The following DSCAM variants were observed in gnomAD, a reference collection of about 807,000 sequenced individuals.
DSCAM encodes the protein cell adhesion molecule DSCAM.
Under a neutral mutation model 217.7 loss-of-function variants are expected in DSCAM, and 47 were observed. The ratio of observed to expected loss-of-function variants is 0.22; its 90% CI spans 0.17 to 0.28. The LOEUF (loss-of-function observed/expected upper bound fraction) is 0.28, where lower values mean the gene tolerates loss of function less well. Among genes scored for constraint, DSCAM ranks in the 10% least tolerant of loss-of-function variants. The probability of loss-of-function intolerance (pLI) is 1.00; values close to 1 mark genes in which losing one functional copy is unlikely to be tolerated. For missense variants in DSCAM, 2,080 were observed against 2,618.3 expected (o/e 0.79, Z 4.49); for synonymous variants, 1,056 against 1,015.3 (o/e 1.04, Z -0.76).
chr21:40,112,571 C>A (rs2089912975), intron 20 of DSCAM, among the ~76,000 whole-genome samples: 1 of 151,946 alleles, frequency 6.6e-6, no homozygotes, highest in Admixed American at 6.6e-5. Context: ...AAGATCAGAG[C>A]AGAACTGAAT....
At chr21:40,246,087 T>C (rs1281069788) in intron 11 of DSCAM, among the ~76,000 whole-genome samples, 1 of 151,934 alleles carries the variant, frequency 6.6e-6, no homozygotes, top group African/African-American at 2.4e-5. Flanking sequence ...TGGCATCAAA[T>C]GAGGTGTTGC....
chr21:40,673,994 A>G (rs2090307945), intron 3 of DSCAM, among the ~76,000 whole-genome samples: 1 of 152,238 alleles, frequency 6.6e-6, no homozygotes, highest in Non-Finnish European at 1.5e-5. Flanking sequence ...AAATAAAAAT[A>G]AACTAATTTA....
chr21:40,251,785 A>C (rs1394707820), intron 11 of DSCAM, among the ~76,000 whole-genome samples: 1 of 152,190 alleles, frequency 6.6e-6, no homozygotes, highest in South Asian at 2.1e-4. Flanking sequence ...ATAAGCTCAC[A>C]TGATATTATA....
At chr21:40,037,231 T>C (rs2088642551) in intron 32 of DSCAM, among the ~76,000 whole-genome samples, 1 of 149,070 alleles carries the variant, frequency 6.7e-6, no homozygotes, top group African/African-American at 2.6e-5. Context: ...AAATTGTCCC[T>C]GTTTGCAGAT....
Position 40,659,560 on chromosome 21 carries a change from CTATT to C in DSCAM, c.508+33246_508+33249del, listed in dbSNP as rs201554853. Among the ~76,000 whole-genome samples the C allele has an allele frequency of 3.0e-3, 444 of 146,796 alleles. 5 individuals carry two copies. The highest frequency in any genetic ancestry group is 7.7e-3 in the African/African-American group (284 of 36,996). Reference sequence around the variant, plus strand: ...TCTGTCCATCTATGTATATGCCTATCTATTTATCTATGTATCTATCTTTCATCTA... The same window carrying C: ...TCTGTCCATCTATGTATATGCCTATCTATCTATGTATCTATCTTTCATCTA... On this transcript the variant is annotated intron_variant, in intron 3 of 32. Transcript: ENST00000400454.
chr21:40,153,387 G>T (rs1160737205), intron 16 of DSCAM, among the ~76,000 whole-genome samples: 1 of 152,164 alleles, frequency 6.6e-6, no homozygotes, highest in African/African-American at 2.4e-5. Context: ...TACTTCACCT[G>T]AGCTAAAGGG....
intron 3 of DSCAM, among the ~76,000 whole-genome samples, chr21:40,571,881 C>T (rs1168745987): frequency 6.6e-5 from 10 of 152,190 alleles, no homozygotes; most frequent in Admixed American, 6.5e-4. Flanking sequence ...TGAGCCACTG[C>T]ACCTGGCCCA....
intron 9 of DSCAM, among the ~76,000 whole-genome samples, chr21:40,301,958 G>C (rs952852070): frequency 1.3e-5 from 2 of 152,208 alleles, no homozygotes; most frequent in African/African-American, 4.8e-5. Context: ...TACAGAGCCT[G>C]AGATGGAAGG....
intron 11 of DSCAM, among the ~76,000 whole-genome samples, chr21:40,247,179 A>G (rs2073237451): frequency 6.6e-6 from 1 of 152,138 alleles, no homozygotes; most frequent in Non-Finnish European, 1.5e-5. Flanking sequence ...GGGAGATACA[A>G]TTCAAGTTGA....
chr21:40,255,108 T>C (rs1398729662), intron 11 of DSCAM, among the ~76,000 whole-genome samples: 2 of 152,156 alleles, frequency 1.3e-5, no homozygotes, highest in Non-Finnish European at 2.9e-5. Context: ...TTAAATCCCA[T>C]TGAGGAGACG....
chr21:40,612,535 C>G (rs1801312149), intron 3 of DSCAM, among the ~76,000 whole-genome samples: 1 of 152,204 alleles, frequency 6.6e-6, no homozygotes, highest in Admixed American at 6.5e-5. Flanking sequence ...TTTCTGTCTA[C>G]TGGCCATTGG....
At chr21:40,751,744 G>A (rs954036708) in intron 1 of DSCAM, among the ~76,000 whole-genome samples, 1 of 152,048 alleles carries the variant, frequency 6.6e-6, no homozygotes, top group Non-Finnish European at 1.5e-5. Flanking sequence ...CCTTTTCAAG[G>A]ACACTTTTCT....
At chr21:40,584,544 A>G (rs1601765780) in intron 3 of DSCAM, among the ~76,000 whole-genome samples, 1 of 152,284 alleles carries the variant, frequency 6.6e-6, no homozygotes, top group Middle Eastern at 3.4e-3. Flanking sequence ...GGAGAGCTGC[A>G]GTCTGCGAAG....
chr21:40,299,979 C>G (rs2837562), intron 9 of DSCAM, among the ~76,000 whole-genome samples: 26,088 of 151,994 alleles, frequency 0.17, 4,031 homozygotes, highest in African/African-American at 0.4. Flanking sequence ...GTGGGTTTCA[C>G]GTACTCCTAG....
At chr21:40,086,180 A>G (rs1486890120) in intron 22 of DSCAM, among the ~76,000 whole-genome samples, 2 of 152,258 alleles carry the variant, frequency 1.3e-5, no homozygotes, top group Non-Finnish European at 2.9e-5. Context: ...GATCATTTTT[A>G]GATTCACTTA....
At chr21:40,353,252 C>A (rs568105642) in intron 5 of DSCAM, among the ~76,000 whole-genome samples, 16 of 152,292 alleles carry the variant, frequency 1.1e-4, no homozygotes, top group Admixed American at 5.9e-4. Flanking sequence ...GATTTCAAAT[C>A]AAATCCGACA....
chr21:40,498,859 A>G (rs1419061520), intron 3 of DSCAM, among the ~76,000 whole-genome samples: 2 of 145,350 alleles, frequency 1.4e-5, no homozygotes, highest in African/African-American at 2.5e-5. Flanking sequence ...AATATGGTAC[A>G]TATTATAAGA....
At chr21:40,676,645 GAC>G (rs1407681543) in intron 3 of DSCAM, among the ~76,000 whole-genome samples, 1 of 152,126 alleles carries the variant, frequency 6.6e-6, no homozygotes, top group Non-Finnish European at 1.5e-5. Flanking sequence ...ACTTGATGGG[GAC>G]ACAGTGTGGG....
chr21:40,775,543 G>A (rs1467955160), intron 1 of DSCAM, among the ~76,000 whole-genome samples: 1 of 152,160 alleles, frequency 6.6e-6, no homozygotes, highest in Non-Finnish European at 1.5e-5. Context: ...GGAAAAAGCT[G>A]TCAGCAACAA....
Sources: gnomAD v4.1 joint callset for allele counts (sites outside exome capture counted in the v4.1 genomes callset) on GRCh38, gnomAD v4.1.1 for gene constraint, MANE v1.5 for transcripts, NCBI Gene and HGNC (gene_info 2026-07-23, HGNC 2026-07-21) for gene names.